The following FBLN7 variants were observed in gnomAD, a reference collection of about 807,000 sequenced individuals.
FBLN7 encodes the protein fibulin 7, also known as fibulin-7.
FBLN7 carries 31 observed loss-of-function variants against 44.0 expected under a neutral mutation model. That is an observed-to-expected ratio of 0.70 (90% CI 0.53 to 0.95). The LOEUF (loss-of-function observed/expected upper bound fraction) is 0.95, where lower values mean the gene tolerates loss of function less well. Among genes scored for constraint, FBLN7 ranks in the 40% least tolerant of loss-of-function variants. The pLI, the probability that FBLN7 is intolerant of heterozygous loss-of-function variation, is 0.00. For missense variants in FBLN7, 573 were observed against 618.5 expected, an observed-to-expected ratio of 0.93 and a Z score of 0.78; for synonymous variants, 262 against 253.4, an observed-to-expected ratio of 1.03 and a Z score of -0.32.
chr2:112,146,916 T>C (rs753585655), intron 1 of FBLN7, among the ~76,000 whole-genome samples: 6 of 152,212 alleles, frequency 3.9e-5, no homozygotes, highest in African/African-American at 1.4e-4. Context: ...CAACATTGAG[T>C]ATGGTTCTGG....
At position 112,185,183 on chromosome 2, in the gene FBLN7, G is replaced by GT. The variant is rs1251068485; in HGVS notation, c.809-17dup. Reference sequence around the variant, plus strand: ...AAGGTCAGGGCGATTCTCACCTGTTGTATGTCCTGTATCTCAGATGTGGAT... The same window carrying GT: ...AAGGTCAGGGCGATTCTCACCTGTTGTTATGTCCTGTATCTCAGATGTGGAT... On this transcript the variant is annotated splice_polypyrimidine_tract_variant and intron_variant, in intron 6 of 7. Transcript: ENST00000331203. The GT allele has an allele frequency of 6.2e-7, 1 of 1,608,634 alleles. No individual in the cohort carries two copies. Among genetic ancestry groups the GT allele is most frequent in the Admixed American group, 1.7e-5 (1 of 59,916 alleles).
At position 112,157,873 on chromosome 2, in the gene FBLN7, C is replaced by T. The variant is rs150927169; in HGVS notation, c.76-1803C>T. Among the ~76,000 whole-genome samples, 8 of 151,494 alleles carry T rather than the reference C, an allele frequency of 5.3e-5. No individual in the cohort carries two copies. In the East Asian group the frequency reaches 1.4e-3, roughly 26 times the overall value. The stretch of plus-strand genomic sequence containing the variant: ...TGCTAGGATTACAGGCGTGAGCCAC[C>T]GCACCCAGCCTGTCCTGGTTCTTTG... On this transcript the variant is annotated intron_variant, in intron 1 of 7. Transcript: ENST00000331203.
the FBLN7 span, among the ~76,000 whole-genome samples, chr2:112,208,448 TGGACTGG>T: frequency 1.3e-5 from 2 of 152,222 alleles, no homozygotes; most frequent in African/African-American, 4.8e-5. Context: ...CCACACATAG[TGGACTGG>T]GGACTGGATT....
At chr2:112,197,294 G>C in the FBLN7 span, among the ~76,000 whole-genome samples, 79 of 149,278 alleles carry the variant, frequency 5.3e-4, no homozygotes, top group Non-Finnish European at 1.0e-3. Flanking sequence ...GAGAGAGAGA[G>C]AGAGAGAGAG....
intron 3 of FBLN7, among the ~76,000 whole-genome samples, chr2:112,165,483 C>T (rs1682104393): frequency 1.3e-5 from 2 of 152,144 alleles, no homozygotes; most frequent in South Asian, 4.1e-4. Flanking sequence ...AGTTAAGATG[C>T]TTGGCACCTG....
intron 4 of FBLN7, among the ~76,000 whole-genome samples, chr2:112,179,849 T>G (rs1216776905): frequency 6.6e-6 from 1 of 152,148 alleles, no homozygotes; most frequent in Non-Finnish European, 1.5e-5. Flanking sequence ...TCAAGATGGA[T>G]TAAAGAGTTA....
chr2:112,202,826 T>C, the FBLN7 span, among the ~76,000 whole-genome samples: 18 of 152,236 alleles, frequency 1.2e-4, 1 homozygote, highest in East Asian at 3.5e-3. Flanking sequence ...GTAGAACAAG[T>C]TGGGAGCTTC....
the FBLN7 span, among the ~76,000 whole-genome samples, chr2:112,227,372 A>C: frequency 6.6e-6 from 1 of 152,184 alleles, no homozygotes; most frequent in African/African-American, 2.4e-5. Context: ...TAAAAACACA[A>C]AAATTAGCCG....
chr2:112,206,916 A>T, the FBLN7 span, among the ~76,000 whole-genome samples: 1 of 150,868 alleles, frequency 6.6e-6, no homozygotes, highest in Non-Finnish European at 1.5e-5. Context: ...AAAGAATTGT[A>T]AAGATGGGGT....
the FBLN7 span, among the ~76,000 whole-genome samples, chr2:112,232,314 C>CAAA: frequency 5.7e-4 from 41 of 71,328 alleles, no homozygotes; most frequent in East Asian, 3.8e-3. Flanking sequence ...GATAATGTCT[C>CAAA]AAAAAAAAAA....
chr2:112,229,344 G>C, the FBLN7 span, among the ~76,000 whole-genome samples: 2 of 152,118 alleles, frequency 1.3e-5, no homozygotes, highest in Admixed American at 6.5e-5. Flanking sequence ...TTTCTCCCTA[G>C]AGTTACAGTT....
Position 112,187,362 on chromosome 2 carries a change from G to A in FBLN7, c.1176G>A (p.Gln392=). 6.2e-7 allele frequency: 1 copy of A among 1,614,178 alleles called. No individual in the cohort carries two copies. The part of the protein sequence containing the change: ...GHFVMQRSDR[Q]TGDLILVQNL... ...TTGTGATGCAGCGTTCAGACCGGCA[G>A]ACTGGGGATCTGATCCTTGTGCAGA... The change falls in exon 8 of 8, where the codon CAG becomes CAA. Residue 392 remains glutamine (Q), a synonymous_variant. Coordinates refer to ENST00000331203, the MANE Select transcript of FBLN7 (RefSeq NM_153214.3). The surrounding 1 kb of genome is among the most constrained non-coding windows in gnomAD (Gnocchi z 5.1).
the FBLN7 span, among the ~76,000 whole-genome samples, chr2:112,194,128 C>G: frequency 6.6e-6 from 1 of 152,158 alleles, no homozygotes; most frequent in South Asian, 2.1e-4. Flanking sequence ...GGGTCACTCA[C>G]ATGTCTGCCT....
At chr2:112,153,489 G>A (rs751840865) in intron 1 of FBLN7, among the ~76,000 whole-genome samples, 1 of 152,112 alleles carries the variant, frequency 6.6e-6, no homozygotes, top group Non-Finnish European at 1.5e-5. Flanking sequence ...GAAGACCATC[G>A]AGCCAGGTTA....
At chr2:112,178,512 G>A (rs2104596974) in intron 4 of FBLN7, among the ~76,000 whole-genome samples, 1 of 152,236 alleles carries the variant, frequency 6.6e-6, no homozygotes, top group East Asian at 1.9e-4. Flanking sequence ...TGAGGCCAGA[G>A]TCATCTCGAT....
intron 3 of FBLN7, among the ~76,000 whole-genome samples, chr2:112,172,883 C>T (rs1054530954): frequency 2.0e-5 from 3 of 152,272 alleles, no homozygotes; most frequent in Non-Finnish European, 2.9e-5. Context: ...ATCCACCCGC[C>T]TCAACCTCCC....
At chr2:112,224,175 G>C in the FBLN7 span, among the ~76,000 whole-genome samples, 2 of 152,198 alleles carry the variant, frequency 1.3e-5, no homozygotes, top group East Asian at 3.9e-4. Flanking sequence ...TAATATTAAT[G>C]ATATTTGAAA....
chr2:112,198,211 G>T, the FBLN7 span, among the ~76,000 whole-genome samples: 1 of 152,170 alleles, frequency 6.6e-6, no homozygotes, highest in Non-Finnish European at 1.5e-5. Flanking sequence ...GGATGTTTAT[G>T]TCTCCCCCAA....
Position 112,181,722 on chromosome 2 carries a change from G to A in FBLN7, c.533-17G>A. 7.3e-7 allele frequency: 1 copy of A among 1,373,752 alleles called. No homozygotes were observed. Among genetic ancestry groups the A allele is most frequent in the Non-Finnish European group, 9.3e-7 (1 of 1,071,334 alleles). 85.1% of individuals were successfully genotyped at this position (1,373,752 alleles called of 1,614,324 possible). On this transcript the variant is annotated splice_polypyrimidine_tract_variant and intron_variant, in intron 4 of 7. Transcript: ENST00000331203. ...GGTGCGCCAGGGCCCGGCACTGAGC[G>A]TGTCTTCTCCCCGCAGCCGCCCCCG...
Sources: gnomAD v4.1 joint callset for allele counts (sites outside exome capture counted in the v4.1 genomes callset) on GRCh38, gnomAD v4.1.1 for gene constraint, Gnocchi (gnomAD v3.1) non-coding constraint, MANE v1.5 for transcripts, NCBI Gene and HGNC (gene_info 2026-07-23, HGNC 2026-07-21) for gene names.